The following XRCC5 variants were observed in gnomAD, a reference collection of about 807,000 sequenced individuals.
XRCC5 encodes the protein DNA repair protein Ku80.
A neutral mutation model predicts 95.7 loss-of-function variants in XRCC5; 12 were observed. The observed-to-expected ratio is 0.13, with a 90% CI of 0.08 to 0.20. XRCC5 has a LOEUF of 0.20. Among genes scored for constraint, XRCC5 ranks in the 10% least tolerant of loss-of-function variants. XRCC5 has a pLI of 1.00. For missense variants in XRCC5, 595 were observed against 873.9 expected, an observed-to-expected ratio of 0.68 and a Z score of 4.02; for synonymous variants, 281 against 290.3, an observed-to-expected ratio of 0.97 and a Z score of 0.33.
intron 16 of XRCC5, among the ~76,000 whole-genome samples, chr2:216,186,868 A>G (rs1417020325): frequency 3.9e-5 from 6 of 152,114 alleles, no homozygotes; most frequent in African/African-American, 1.5e-4. Context: ...TATTCCAGCC[A>G]AATATTATAG....
At chr2:216,195,094 A>C in intron 19 of XRCC5, 108 bp downstream of exon 19, 1 of 989,902 alleles carries the variant, frequency 1.0e-6, no homozygotes, top group Non-Finnish European at 1.6e-6. Flanking sequence ...TAGTGTACTC[A>C]TTTTGTATTC....
In XRCC5 at chr2:216,120,535, AT is replaced by A. The variant is rs41299748; in HGVS notation, c.491+1371del. ...TGATTGTTGTAATTGGACTAAAAAA[AT>A]ACCAGCAGCTCAGAGAAGCCCTGTG... On this transcript the variant is annotated intron_variant, in intron 5 of 20. Coordinates refer to ENST00000392132, the MANE Select transcript of XRCC5 (RefSeq NM_021141.4). Among the ~76,000 whole-genome samples, 44 of 152,328 alleles carry A rather than the reference AT, an allele frequency of 2.9e-4. No individual in the cohort carries two copies. The East Asian group carries it at 6.2e-3, about 21-fold the overall frequency.
In XRCC5 at chr2:216,162,032, G is replaced by T; in HGVS notation, c.1818G>T (p.Lys606Asn). 7 of 1,614,172 alleles carry T rather than the reference G, an allele frequency of 4.3e-6. No homozygotes were observed. The highest frequency in any genetic ancestry group is 5.9e-6 in the Non-Finnish European group (7 of 1,180,010). Reference protein sequence around the residue: ...ENFRVLVKQKKASFEEASNQL... With the variant: ...ENFRVLVKQKNASFEEASNQL... ...TCCGTGTTCTAGTGAAACAGAAGAA[G>T]GCCAGCTTTGAGGAAGGTGAGTGGT... Residue 606 changes from lysine (K) to asparagine (N), a missense_variant, in exon 16 of 21, where the codon AAG (lysine) becomes AAT (asparagine). Around this residue, in one of 2 missense-constraint regions of XRCC5, gnomAD observed 309 missense variants for 382.9 expected, o/e 0.81. Transcript: ENST00000392132.
chr2:216,204,140 G>A, intron 19 of XRCC5, 182 bp from the exon 20 acceptor site: 1 of 630,824 alleles, frequency 1.6e-6, no homozygotes, highest in Non-Finnish European at 2.8e-6. Flanking sequence ...CTCAAAACTG[G>A]GCCTCTCACC....
chr2:216,146,098 C>A (rs16855458), intron 13 of XRCC5, among the ~76,000 whole-genome samples: 24,346 of 152,078 alleles, frequency 0.16, 2,397 homozygotes, highest in Middle Eastern at 0.22. Flanking sequence ...ATTGAATAGG[C>A]CTGATGTTAC....
intron 12 of XRCC5, 148 bp from the exon 13 acceptor site, chr2:216,141,038 T>G (rs528516646): frequency 6.5e-5 from 55 of 840,662 alleles, no homozygotes; most frequent in African/African-American, 4.8e-4. Flanking sequence ...AAGACTTGGG[T>G]TAAATACGTG....
At chr2:216,172,927 T>C (rs1175878501) in intron 16 of XRCC5, among the ~76,000 whole-genome samples, 1 of 152,204 alleles carries the variant, frequency 6.6e-6, no homozygotes, top group African/African-American at 2.4e-5. Flanking sequence ...CTCCATAATG[T>C]TTTATAGTTT....
rs1274391313 is a variant in XRCC5 at position 216,194,926 on chromosome 2, T to C, written c.2049T>C (p.Ile683=). 6.2e-7 allele frequency: 1 copy of C among 1,614,164 alleles called. No individual in the cohort carries two copies. The highest frequency in any genetic ancestry group is 8.5e-7 in the Non-Finnish European group (1 of 1,179,988). ...CTCTGAATTACTTTTTAGATGGAAT[T>C]ACTCTGATCACCAAAGAGGAAGCCT... The part of the protein sequence containing the change: ...HFWEIVVQDG[I]TLITKEEASG... The change falls in exon 19 of 21, where the codon ATT becomes ATC. Residue 683 remains isoleucine, a synonymous_variant. Coordinates refer to ENST00000392132, the MANE Select transcript of XRCC5 (RefSeq NM_021141.4).
chr2:216,117,647 C>G (rs3815855), intron 3 of XRCC5, 99 bp from the exon 4 acceptor site: 241,319 of 1,203,820 alleles, frequency 0.2, 24,822 homozygotes, highest in Middle Eastern at 0.21. Flanking sequence ...TCACATAGTT[C>G]AGTGTCCACA....
chr2:216,120,927 G>A (rs1220267584), intron 5 of XRCC5, among the ~76,000 whole-genome samples: 1 of 152,070 alleles, frequency 6.6e-6, no homozygotes, highest in South Asian at 2.1e-4. Flanking sequence ...GTAGAGATGG[G>A]GTTTTACCAT....
intron 17 of XRCC5, among the ~76,000 whole-genome samples, chr2:216,190,713 T>C (rs894450308): frequency 2.0e-5 from 3 of 152,198 alleles, no homozygotes; most frequent in Non-Finnish European, 4.4e-5. Flanking sequence ...ATTGGTATAA[T>C]TATTGAGAAA....
chr2:216,173,873 C>T (rs1429495141), intron 16 of XRCC5, among the ~76,000 whole-genome samples: 1 of 152,188 alleles, frequency 6.6e-6, no homozygotes, highest in East Asian at 1.9e-4. Context: ...TCCCAGCCTC[C>T]AGAACTGTGA....
intron 8 of XRCC5, among the ~76,000 whole-genome samples, chr2:216,128,765 G>C (rs568123774): frequency 2.0e-5 from 3 of 152,290 alleles, no homozygotes; most frequent in South Asian, 2.1e-4. Flanking sequence ...ACATCTAATG[G>C]ACAGCCTGCA....
intron 17 of XRCC5, 113 bp from the exon 18 acceptor site, chr2:216,192,526 A>AT (rs1317812297): frequency 6.9e-6 from 4 of 582,064 alleles, no homozygotes; most frequent in South Asian, 3.8e-5. Context: ...AGAACATTTT[A>AT]TTTTTTTGTA....
intron 16 of XRCC5, among the ~76,000 whole-genome samples, chr2:216,184,409 T>C (rs1689453532): frequency 6.6e-6 from 1 of 152,234 alleles, no homozygotes; most frequent in Non-Finnish European, 1.5e-5. Context: ...AATTTCATTG[T>C]ATCCTACCTC....
At chr2:216,138,812 T>C in intron 12 of XRCC5, among the ~76,000 whole-genome samples, 1 of 151,892 alleles carries the variant, frequency 6.6e-6, no homozygotes, top group East Asian at 1.9e-4. Flanking sequence ...GTAGAAAACA[T>C]ACCAAAAAGA....
At chr2:216,197,468 A>G (rs1320650251) in intron 19 of XRCC5, among the ~76,000 whole-genome samples, 2 of 150,668 alleles carry the variant, frequency 1.3e-5, no homozygotes, top group African/African-American at 4.9e-5. Flanking sequence ...AAAAAAAAAA[A>G]GACAACTCTC....
At chr2:216,175,721 C>G (rs1689258970) in intron 16 of XRCC5, 4 of 447,766 alleles carry the variant, frequency 8.9e-6, no homozygotes, top group Non-Finnish European at 1.7e-5. Flanking sequence ...CCACTCCACA[C>G]CCATCAACCT....
Position 216,149,268 on chromosome 2 carries a change from A to AATT in XRCC5, c.1670+993_1670+994insTTA, listed in dbSNP as rs41296420. On this transcript the variant is annotated intron_variant, in intron 14 of 20. Coordinates refer to ENST00000392132, the MANE Select transcript of XRCC5 (RefSeq NM_021141.4). The stretch of plus-strand genomic sequence containing the variant: ...GTTGTGCACATTCTGTGACTTTCTA[A>AATT]AGGTTAACATCCAAGCTTTGTCAGA... Among the ~76,000 whole-genome samples the AATT allele has an allele frequency of 1.2e-3, 176 of 152,254 alleles. No individual in the cohort carries two copies. In the East Asian group the frequency reaches 0.03, roughly 26 times the overall value.
Sources: gnomAD v4.1 joint callset for allele counts (sites outside exome capture counted in the v4.1 genomes callset) on GRCh38, gnomAD v4.1.1 for gene constraint, gnomAD v4.1.1 regional missense constraint, MANE v1.5 for transcripts, NCBI Gene and HGNC (gene_info 2026-07-23, HGNC 2026-07-21) for gene names.